The following DCSTAMP variants were observed in gnomAD, a reference collection of about 807,000 sequenced individuals.
DCSTAMP encodes the protein dendritic cell-specific transmembrane protein.
In DCSTAMP, 25 loss-of-function variants were observed where a neutral mutation model predicts 33.8. That is an observed-to-expected ratio of 0.74 (90% CI 0.54 to 1.03). DCSTAMP has a LOEUF of 1.03. DCSTAMP is among the 50% of genes least tolerant of loss of function. The pLI is 0.00. For missense variants in DCSTAMP, 531 were observed against 556.8 expected, an observed-to-expected ratio of 0.95 and a Z score of 0.47; for synonymous variants, 245 against 216.7, an observed-to-expected ratio of 1.13 and a Z score of -1.15.
At chr8:104,348,175 C>T (rs1355490576) in intron 1 of DCSTAMP, among the ~76,000 whole-genome samples, 1 of 152,198 alleles carries the variant, frequency 6.6e-6, no homozygotes, top group Non-Finnish European at 1.5e-5. Context: ...CTTTAAAATA[C>T]TCAGTGGTTA....
chr8:104,355,231 G>T, intron 3 of DCSTAMP, 46 bp downstream of exon 3: 1 of 1,558,970 alleles, frequency 6.4e-7, no homozygotes, highest in Non-Finnish European at 8.7e-7. Context: ...GAAGTGTTGA[G>T]TTTGGAGGGA....
At chr8:104,347,039 T>C (rs1248518463) in intron 1 of DCSTAMP, among the ~76,000 whole-genome samples, 1 of 152,248 alleles carries the variant, frequency 6.6e-6, no homozygotes, top group Non-Finnish European at 1.5e-5. Flanking sequence ...ACATATGATA[T>C]AACGCTTATT....
At chr8:104,348,049 A>G (rs952316850) in intron 1 of DCSTAMP, among the ~76,000 whole-genome samples, 1 of 152,202 alleles carries the variant, frequency 6.6e-6, no homozygotes, top group Admixed American at 6.5e-5. Flanking sequence ...GGTGGCCTCT[A>G]AAGCTGAAAG....
intron 1 of DCSTAMP, among the ~76,000 whole-genome samples, chr8:104,346,792 T>G (rs76591830): frequency 6.6e-6 from 1 of 152,246 alleles, no homozygotes; most frequent in African/African-American, 2.4e-5. Flanking sequence ...CCCCATTTTA[T>G]TTCTGCCCTT....
chr8:104,343,990 T>C (rs1037195165), intron 1 of DCSTAMP, among the ~76,000 whole-genome samples: 3 of 152,274 alleles, frequency 2.0e-5, no homozygotes, highest in African/African-American at 7.2e-5. Flanking sequence ...TAGGAAATTT[T>C]AATTCCATTA....
At chr8:104,343,144 G>A (rs1419001554) in intron 1 of DCSTAMP, among the ~76,000 whole-genome samples, 1 of 152,108 alleles carries the variant, frequency 6.6e-6, no homozygotes, top group Non-Finnish European at 1.5e-5. Flanking sequence ...GTCAAAGAGG[G>A]GCTGAGCAGT....
chr8:104,342,140 G>A (rs1487428889), intron 1 of DCSTAMP, among the ~76,000 whole-genome samples: 6 of 152,208 alleles, frequency 3.9e-5, no homozygotes, highest in Admixed American at 3.3e-4. Context: ...CCGAGGTATA[G>A]AGGAAAACCT....
rs892668883 is a variant in DCSTAMP at position 104,349,145 on chromosome 8, A to T, written c.593A>T (p.Tyr198Phe). 2 of 1,614,186 alleles carry T rather than the reference A, an allele frequency of 1.2e-6. No homozygotes were observed. Among genetic ancestry groups the T allele is most frequent in the Middle Eastern group, 1.6e-4 (1 of 6,062 alleles). The change falls in exon 2 of 4, where the codon TAC becomes TTC. Residue 198 changes from tyrosine to phenylalanine, a missense_variant. Transcript: ENST00000297581. ...AAAGGGGAAGTCCTGAGCGTCTTGT[A>T]CCAGATGGCAACAACCACAGAGGTG... ...DSKGEVLSVLYQMATTTEVLS... is the reference protein window; with the variant it reads ...DSKGEVLSVLFQMATTTEVLS...
intron 1 of DCSTAMP, among the ~76,000 whole-genome samples, chr8:104,340,786 C>T (rs368457821): frequency 1.1e-4 from 17 of 152,302 alleles, no homozygotes; most frequent in African/African-American, 3.8e-4. Context: ...GTCCTTTGAT[C>T]AAATTCCTTT....
intron 2 of DCSTAMP, among the ~76,000 whole-genome samples, chr8:104,350,477 G>T (rs545292440): frequency 2.8e-4 from 43 of 152,264 alleles, no homozygotes; most frequent in Middle Eastern, 3.4e-3. Context: ...GTTGAAAAGG[G>T]CTCCTAAGTT....
chr8:104,355,280 T>C, intron 3 of DCSTAMP, 95 bp downstream of exon 3: 2 of 1,284,608 alleles, frequency 1.6e-6, no homozygotes, highest in Non-Finnish European at 2.1e-6. Flanking sequence ...ATGCTTCAAC[T>C]TCACATCAGG....
chr8:104,344,100 G>A (rs1186020680), intron 1 of DCSTAMP, among the ~76,000 whole-genome samples: 2 of 152,142 alleles, frequency 1.3e-5, no homozygotes, highest in Non-Finnish European at 2.9e-5. Flanking sequence ...GGAAAACTGG[G>A]GGTCTCCCTC....
chr8:104,346,325 G>A (rs1344906802), intron 1 of DCSTAMP, among the ~76,000 whole-genome samples: 4 of 152,246 alleles, frequency 2.6e-5, no homozygotes, highest in African/African-American at 9.6e-5. Flanking sequence ...TCCTGACTTG[G>A]TCTGGTGCTG....
In DCSTAMP at chr8:104,349,173, G is replaced by T. The variant is rs759216839; in HGVS notation, c.621G>T (p.Leu207Phe). The change falls in exon 2 of 4, where the codon TTG (leucine) becomes TTT (phenylalanine). Residue 207 changes from leucine (L) to phenylalanine (F), a missense_variant. By Grantham distance (22) the Leu-to-Phe change is conservative. Coordinates refer to ENST00000297581, the MANE Select transcript of DCSTAMP (RefSeq NM_030788.4). Reference protein sequence around the residue: ...LYQMATTTEVLSSLGQKLLAF... With the variant: ...LYQMATTTEVFSSLGQKLLAF... ...AGATGGCAACAACCACAGAGGTGTT[G>T]TCCTCCCTGGGTCAGAAGCTACTTG... The T allele has an allele frequency of 3.1e-6, 5 of 1,614,214 alleles. No homozygotes were observed. Among genetic ancestry groups the T allele is most frequent in the Middle Eastern group, 3.3e-4 (2 of 6,062 alleles).
intron 1 of DCSTAMP, among the ~76,000 whole-genome samples, chr8:104,342,945 AAAGGAGAGCTGCAGTCAGCTTTAG>A (rs2099383195): frequency 6.6e-6 from 1 of 152,156 alleles, no homozygotes; most frequent in Non-Finnish European, 1.5e-5. Context: ...TCACCTGGGG[AAAGGAGAGCTGCAGTCAGCTTTAG>A]ATGGCTCAAT....
intron 1 of DCSTAMP, among the ~76,000 whole-genome samples, chr8:104,340,742 G>T (rs532648817): frequency 2.6e-5 from 4 of 152,184 alleles, no homozygotes; most frequent in African/African-American, 4.8e-5. Context: ...TGGACCACAG[G>T]TCTCCGTTTG....
chr8:104,342,202 G>A (rs1228767641), intron 1 of DCSTAMP, among the ~76,000 whole-genome samples: 4 of 152,086 alleles, frequency 2.6e-5, no homozygotes, highest in African/African-American at 9.7e-5. Flanking sequence ...ATGTCTCCAG[G>A]GATAAAAGGG....
intron 1 of DCSTAMP, among the ~76,000 whole-genome samples, chr8:104,341,428 C>T (rs2099382821): frequency 1.3e-5 from 2 of 152,218 alleles, no homozygotes; most frequent in African/African-American, 4.8e-5. Flanking sequence ...CCAAACAGAG[C>T]TCTGTGGGTG....
At chr8:104,348,380 A>C (rs1810370796) in intron 1 of DCSTAMP, among the ~76,000 whole-genome samples, 161 bp from the exon 2 acceptor site, 1 of 152,254 alleles carries the variant, frequency 6.6e-6, no homozygotes, top group Admixed American at 6.5e-5. Flanking sequence ...TTGGTGGTGG[A>C]AGGTCAAAGA....
Sources: gnomAD v4.1 joint callset for allele counts (sites outside exome capture counted in the v4.1 genomes callset) on GRCh38, gnomAD v4.1.1 for gene constraint, MANE v1.5 for transcripts, NCBI Gene and HGNC (gene_info 2026-07-23, HGNC 2026-07-21) for gene names.